ZNF407: variants seen among roughly 807,000 people sequenced by gnomAD.
The protein encoded by ZNF407 is zinc finger protein 407.
In ZNF407, 17 loss-of-function variants were observed where a neutral mutation model predicts 131.2. The observed-to-expected ratio is 0.13, with a 90% CI of 0.09 to 0.19. The LOEUF is 0.19. Among genes scored for constraint, ZNF407 ranks in the 10% least tolerant of loss-of-function variants. ZNF407 has a pLI of 1.00. For synonymous variants in ZNF407, 1,156 were observed against 1,062.0 expected (o/e 1.09, Z -1.72); for missense variants, 2,681 against 2,830.6 (o/e 0.95, Z 1.20).
At chr18:74,622,955 AGT>A (rs1270811067) in intron 1 of ZNF407, among the ~76,000 whole-genome samples, 1 of 151,610 alleles carries the variant, frequency 6.6e-6, no homozygotes, top group Non-Finnish European at 1.5e-5. Flanking sequence ...TCTGTGTGTC[AGT>A]GTATCTGAGT....
intron 4 of ZNF407, among the ~76,000 whole-genome samples, chr18:74,832,619 G>A (rs752733157): frequency 1.8e-4 from 28 of 151,968 alleles, no homozygotes; most frequent in African/African-American, 5.8e-4. Context: ...CAAATATGAT[G>A]ATATCATTGA....
chr18:74,973,138 ATG>A lies in ZNF407; in HGVS notation c.5428+52460_5428+52461del, dbSNP rs1555705327. 1.3e-4 allele frequency among the ~76,000 whole-genome samples: 12 copies of A among 93,422 alleles called. 1 individual carries two copies. The highest frequency in any genetic ancestry group is 8.9e-4 in the East Asian group (3 of 3,374). The allele number at this position is 93,422 out of a possible 152,430, so 61.3% of individuals were successfully genotyped here. The stretch of plus-strand genomic sequence containing the variant: ...TGATTATTCTAGGTTTTATATATAT[ATG>A]TGTGTGTGTGTGTATAAACATTATA... On this transcript the variant is annotated intron_variant, in intron 8 of 8. Transcript: ENST00000299687.
Position 74,623,255 on chromosome 18 carries a change from A to T in ZNF407, c.-53-7712A>T, listed in dbSNP as rs369504847. Among the ~76,000 whole-genome samples the T allele has an allele frequency of 1.1e-4, 17 of 150,322 alleles. No individual in the cohort carries two copies. The East Asian group carries it at 3.1e-3, about 28-fold the overall frequency. On this transcript the variant is annotated intron_variant, in intron 1 of 8. Coordinates refer to ENST00000299687, the MANE Select transcript of ZNF407 (RefSeq NM_017757.3). The stretch of plus-strand genomic sequence containing the variant: ...GCGGGTGTTAGTGTGTGTGCATGTG[A>T]GTGTGTGTGTGCATGAGTGTGAGAC...
intron 4 of ZNF407, among the ~76,000 whole-genome samples, chr18:74,814,761 A>C (rs1970244703): frequency 1.3e-5 from 2 of 152,168 alleles, no homozygotes; most frequent in Non-Finnish European, 2.9e-5. Flanking sequence ...TTCTCATATA[A>C]TTTGATGAAA....
chr18:74,914,692 A>T (rs933043918), intron 7 of ZNF407, among the ~76,000 whole-genome samples: 5 of 152,202 alleles, frequency 3.3e-5, no homozygotes, highest in Admixed American at 6.5e-5. Context: ...AGGTGCTGAA[A>T]TCCTCATGTG....
chr18:74,696,086 A>G (rs1967348013), intron 3 of ZNF407, among the ~76,000 whole-genome samples: 1 of 152,170 alleles, frequency 6.6e-6, no homozygotes, highest in African/African-American at 2.4e-5. Context: ...TTACAGTCCA[A>G]TCACTGTAAG....
At chr18:74,706,491 G>A (rs774096733) in intron 3 of ZNF407, among the ~76,000 whole-genome samples, 7 of 152,234 alleles carry the variant, frequency 4.6e-5, no homozygotes, top group African/African-American at 4.8e-5. Flanking sequence ...ATGCTCATTC[G>A]TTTGTTGTTC....
At chr18:74,775,506 C>T (rs926511820) in intron 3 of ZNF407, among the ~76,000 whole-genome samples, 13 of 152,198 alleles carry the variant, frequency 8.5e-5, no homozygotes, top group East Asian at 5.8e-4. Context: ...TAGACATTAT[C>T]AGATAGTTTC....
At chr18:74,627,960 A>G (rs1983876277) in intron 1 of ZNF407, among the ~76,000 whole-genome samples, 1 of 151,350 alleles carries the variant, frequency 6.6e-6, no homozygotes. Context: ...CTGCAGCCTC[A>G]AACTCGGAGG....
intron 8 of ZNF407, among the ~76,000 whole-genome samples, chr18:74,953,080 T>G (rs1013722074): frequency 4.0e-5 from 6 of 151,440 alleles, no homozygotes; most frequent in African/African-American, 1.5e-4. Flanking sequence ...GAGAGGAGCC[T>G]ACGTTGATTT....
intron 3 of ZNF407, among the ~76,000 whole-genome samples, chr18:74,645,893 C>T (rs1460353681): frequency 2.6e-5 from 4 of 152,102 alleles, no homozygotes; most frequent in Admixed American, 1.3e-4. Flanking sequence ...TTAATCATTA[C>T]GTGCATTAGC....
chr18:74,697,122 A>G (rs915660665), intron 3 of ZNF407, among the ~76,000 whole-genome samples: 3 of 152,154 alleles, frequency 2.0e-5, no homozygotes, highest in African/African-American at 7.2e-5. Context: ...CTGTAATAAT[A>G]ACTTTACAAT....
intron 8 of ZNF407, among the ~76,000 whole-genome samples, chr18:74,950,779 G>T (rs1972205055): frequency 6.6e-6 from 1 of 152,102 alleles, no homozygotes; most frequent in Non-Finnish European, 1.5e-5. Context: ...CTTGCTAATG[G>T]GAATACTCCC....
intron 8 of ZNF407, among the ~76,000 whole-genome samples, chr18:75,012,300 A>ATAGCAGGCTCTGGGGGTATC (rs1568300445): frequency 9.2e-5 from 10 of 109,162 alleles, no homozygotes; most frequent in South Asian, 8.8e-4. Flanking sequence ...CACATAGTGT[A>ATAGCAGGCTCTGGGGGTATC]TGTACACATA....
Position 74,616,333 on chromosome 18 carries a change from A to T in ZNF407, c.-53-14634A>T, listed in dbSNP as rs1044656265. Among the ~76,000 whole-genome samples the T allele has an allele frequency of 1.3e-4, 20 of 152,206 alleles. No individual in the cohort carries two copies. The East Asian group carries it at 3.7e-3, about 28-fold the overall frequency. On this transcript the variant is annotated intron_variant, in intron 1 of 8. Coordinates refer to ENST00000299687, the MANE Select transcript of ZNF407 (RefSeq NM_017757.3). ...CTAGGAAAGGTATAATTTTCAGTAA[A>T]CCTTCAGTTGAAGATAAAGCTTTTT...
intron 4 of ZNF407, among the ~76,000 whole-genome samples, chr18:74,799,096 G>A (rs1969973135): frequency 6.6e-6 from 1 of 152,016 alleles, no homozygotes; most frequent in South Asian, 2.1e-4. Flanking sequence ...GGTTTTATGA[G>A]TTTTCCCATA....
chr18:74,632,980 G>A lies in ZNF407; in HGVS notation c.1961G>A (p.Ser654Asn). The change falls in exon 2 of 9, where the codon AGT (serine) becomes AAT (asparagine). Residue 654 changes from serine (S) to asparagine (N), a missense_variant. Coordinates refer to ENST00000299687, the MANE Select transcript of ZNF407 (RefSeq NM_017757.3). ...VQPKTLQSSNSDLVLQTLPLS... is the reference protein window; with the variant it reads ...VQPKTLQSSNNDLVLQTLPLS... ...CCAAAGACTTTGCAATCATCTAACAGTGATTTGGTTTTACAGACTTTACCT... is the reference window on the plus strand; with the variant it reads ...CCAAAGACTTTGCAATCATCTAACAATGATTTGGTTTTACAGACTTTACCT... 2 of 1,613,420 alleles carry A rather than the reference G, an allele frequency of 1.2e-6. No homozygotes were observed. Among genetic ancestry groups the A allele is most frequent in the Non-Finnish European group, 1.7e-6 (2 of 1,179,828 alleles).
chr18:74,740,359 G>C (rs1439885345), intron 3 of ZNF407, among the ~76,000 whole-genome samples: 1 of 152,146 alleles, frequency 6.6e-6, no homozygotes, highest in Non-Finnish European at 1.5e-5. Flanking sequence ...CTGATGTATA[G>C]ATTCTTAACC....
intron 6 of ZNF407, among the ~76,000 whole-genome samples, chr18:74,887,976 A>T (rs1252288639): frequency 6.6e-6 from 1 of 152,192 alleles, no homozygotes; most frequent in African/African-American, 2.4e-5. Flanking sequence ...GTATAAATAG[A>T]CGTAGAATGT....
Sources: allele counts gnomAD v4.1 joint callset (sites outside exome capture counted in the v4.1 genomes callset), GRCh38; gene constraint gnomAD v4.1.1; transcripts MANE v1.5; gene names NCBI Gene and HGNC (gene_info 2026-07-23, HGNC 2026-07-21).